Variants in FGD6 observed in about 807,000 individuals in gnomAD.
FGD6 encodes FYVE, RhoGEF and PH domain containing 6.
In FGD6, 90 loss-of-function variants were observed where a neutral mutation model predicts 149.4. The ratio of observed to expected loss-of-function variants is 0.60; its 90% confidence interval spans 0.51 to 0.72. FGD6 has a LOEUF of 0.72. Among genes scored for constraint, FGD6 ranks in the 30% least tolerant of loss-of-function variants. The probability of loss-of-function intolerance (pLI) is 0.00; values close to 1 mark genes in which losing one functional copy is unlikely to be tolerated. For missense variants in FGD6, 1,437 were observed against 1,684.8 expected, an observed-to-expected ratio of 0.85 and a Z score of 2.57; for synonymous variants, 527 against 584.0, an observed-to-expected ratio of 0.90 and a Z score of 1.41.
intron 2 of FGD6, among the ~76,000 whole-genome samples, chr12:95,178,462 C>T (rs985764974): frequency 6.6e-6 from 1 of 152,118 alleles, no homozygotes; most frequent in African/African-American, 2.4e-5. Flanking sequence ...AAAAAAGAAA[C>T]ATCAATGCTT....
At chr12:95,130,319 A>G (rs1592844850) in intron 8 of FGD6, among the ~76,000 whole-genome samples, 3 of 152,160 alleles carry the variant, frequency 2.0e-5, no homozygotes, top group African/African-American at 4.8e-5. Flanking sequence ...GCACAAACCT[A>G]CTTACATTGA....
chr12:95,150,617 C>T (rs1384454621), intron 5 of FGD6, among the ~76,000 whole-genome samples: 1 of 151,802 alleles, frequency 6.6e-6, no homozygotes, highest in Non-Finnish European at 1.5e-5. Context: ...AAAACATTGT[C>T]CTTTTTTTTT....
intron 2 of FGD6, among the ~76,000 whole-genome samples, chr12:95,193,149 G>A (rs113666934): frequency 0.019 from 2,905 of 152,166 alleles, 88 homozygotes; most frequent in African/African-American, 0.067. Flanking sequence ...GCACTTTTGG[G>A]CATTTATTCC....
chr12:95,175,248 A>G (rs1187436452), intron 2 of FGD6, among the ~76,000 whole-genome samples: 1 of 152,198 alleles, frequency 6.6e-6, no homozygotes, highest in East Asian at 1.9e-4. Context: ...TAAAATGTAA[A>G]TTTCCAAAGA....
Position 95,108,330 on chromosome 12 carries a change from G to A in FGD6, c.3264+18C>T, listed in dbSNP as rs751134628. 2.5e-6 allele frequency: 4 copies of A among 1,610,180 alleles called. No individual in the cohort carries two copies. The highest frequency in any genetic ancestry group is 2.5e-6 in the Non-Finnish European group (3 of 1,177,818). ...ATGCATCGTATTAAGTTTGCGAAAA[G>A]CAATGTAAAATGCTTACCCGACCAG... is the stretch of plus-strand genomic sequence containing the variant. On this transcript the variant is annotated intron_variant, in intron 11 of 20. Coordinates refer to ENST00000343958, the MANE Select transcript of FGD6 (RefSeq NM_018351.4).
intron 2 of FGD6, chr12:95,189,268 T>A (rs570486534): frequency 6.6e-6 from 1 of 152,064 alleles, no homozygotes; most frequent in Non-Finnish European, 1.5e-5. Context: ...ATTTGTAGAG[T>A]ACAAAAGAGC....
rs1186727408 is a variant in FGD6, at chr12:95,170,629, C to T, written c.2586+1971G>A. Reference sequence around the variant, plus strand: ...TGTACTCCAGCCTGGGCAACAAGAGCGAAACTCCTTCTCAAAAGAAAAGAA... The same window carrying T: ...TGTACTCCAGCCTGGGCAACAAGAGTGAAACTCCTTCTCAAAAGAAAAGAA... On this transcript the variant is annotated intron_variant, in intron 3 of 20. Transcript: ENST00000343958. Among the ~76,000 whole-genome samples, 5 of 152,134 alleles carry T rather than the reference C, an allele frequency of 3.3e-5. No individual in the cohort carries two copies. The East Asian group carries it at 7.7e-4, about 24-fold the overall frequency.
At chr12:95,202,985 A>G (rs908668373) in intron 2 of FGD6, among the ~76,000 whole-genome samples, 8 of 152,198 alleles carry the variant, frequency 5.3e-5, no homozygotes, top group African/African-American at 1.9e-4. Flanking sequence ...CAACATGGAA[A>G]TGTTCATAGG....
At chr12:95,197,599 A>G (rs1019420675) in intron 2 of FGD6, among the ~76,000 whole-genome samples, 1 of 152,194 alleles carries the variant, frequency 6.6e-6, no homozygotes, top group African/African-American at 2.4e-5. Context: ...TAATAAGGGT[A>G]TTATCTTATT....
At chr12:95,102,443 CAAAAAAAAAAA>C (rs55926317) in intron 14 of FGD6, among the ~76,000 whole-genome samples, 1 of 104,262 alleles carries the variant, frequency 9.6e-6, no homozygotes, top group African/African-American at 3.7e-5. Flanking sequence ...GACCCTTTCT[CAAAAAAAAAAA>C]AAAAAAAAAA....
At chr12:95,086,755 C>T (rs1200013913) in intron 18 of FGD6, among the ~76,000 whole-genome samples, 4 of 149,480 alleles carry the variant, frequency 2.7e-5, no homozygotes, top group Admixed American at 2.0e-4. Context: ...ATCATGTTAG[C>T]CAGGATGGTC....
At position 95,113,934 on chromosome 12, in the gene FGD6, G is replaced by A. The variant is rs150531058; in HGVS notation, c.3083-233C>T. 6.4e-3 allele frequency among the ~76,000 whole-genome samples: 976 copies of A among 152,266 alleles called. 17 individuals carry two copies. Among genetic ancestry groups the A allele is most frequent in the African/African-American group, 0.021 (868 of 41,560 alleles). ...AAACATTGGTTATTTTAGAGATGAG[G>A]AATCAGATTACTGAGCAAAGGATCT... On this transcript the variant is annotated intron_variant, in intron 8 of 20. Coordinates refer to ENST00000343958, the MANE Select transcript of FGD6 (RefSeq NM_018351.4).
At chr12:95,173,736 C>A (rs888176909) in intron 2 of FGD6, among the ~76,000 whole-genome samples, 1 of 151,886 alleles carries the variant, frequency 6.6e-6, no homozygotes, top group South Asian at 2.1e-4. Context: ...TAGGTGGGGT[C>A]AGTAAAAGAT....
At chr12:95,117,102 G>A (rs749870384) in intron 8 of FGD6, 4 of 245,782 alleles carry the variant, frequency 1.6e-5, no homozygotes, top group Non-Finnish European at 3.3e-5. Context: ...ACAACGAGGA[G>A]AGCAGTCATT....
rs796166137 is a variant in FGD6, at chr12:95,090,773, C to T, written c.3850+934G>A. 9.9e-5 allele frequency among the ~76,000 whole-genome samples: 15 copies of T among 152,262 alleles called. 1 individual carries two copies. Among genetic ancestry groups the T allele is most frequent in the African/African-American group, 3.6e-4 (15 of 41,560 alleles). ...TTCCTCCTTGCTAATGAAAAGCTAT[C>T]CTTCAGGGAAATGAAGAACAGACTT... On this transcript the variant is annotated intron_variant, in intron 17 of 20. Transcript: ENST00000343958.
At chr12:95,131,564 G>A (rs1879520554) in intron 8 of FGD6, among the ~76,000 whole-genome samples, 1 of 152,090 alleles carries the variant, frequency 6.6e-6, no homozygotes, top group African/African-American at 2.4e-5. Flanking sequence ...ATCAGAGATG[G>A]CTACAAAGAG....
intron 2 of FGD6, among the ~76,000 whole-genome samples, chr12:95,177,210 T>A (rs374801649): frequency 6.6e-6 from 1 of 152,294 alleles, no homozygotes; most frequent in South Asian, 2.1e-4. Context: ...TAAGCCAGCA[T>A]AGCAACTGCC....
chr12:95,126,357 G>A, intron 8 of FGD6: 2 of 1,549,808 alleles, frequency 1.3e-6, no homozygotes, highest in Non-Finnish European at 8.7e-7. Context: ...AGCCCAGAAA[G>A]CCCCTGCTCC....
At chr12:95,177,585 C>T (rs1881166328) in intron 2 of FGD6, among the ~76,000 whole-genome samples, 1 of 152,104 alleles carries the variant, frequency 6.6e-6, no homozygotes, top group African/African-American at 2.4e-5. Flanking sequence ...CCTGCTTGTC[C>T]TCAGGATGTT....
Sources: gnomAD v4.1 joint callset for allele counts (sites outside exome capture counted in the v4.1 genomes callset) on GRCh38, gnomAD v4.1.1 for gene constraint, MANE v1.5 for transcripts, NCBI Gene and HGNC (gene_info 2026-07-23, HGNC 2026-07-21) for gene names.